Variants in FGF14 observed in about 807,000 individuals in gnomAD.
The protein encoded by FGF14 is fibroblast growth factor homologous factor 4.
Under a neutral mutation model 25.5 loss-of-function variants are expected in FGF14, and 5 were observed. The ratio of observed to expected loss-of-function variants is 0.20; its 90% CI spans 0.10 to 0.41. The LOEUF is 0.41. Ranked by LOEUF, FGF14 falls within the 10% of genes least tolerant of loss-of-function variation. The pLI is 1.00. For synonymous variants in FGF14, 138 were observed against 118.3 expected (o/e 1.17, Z -1.08); for missense variants, 222 against 320.1 (o/e 0.69, Z 2.34).
At chr13:102,005,690 A>C (rs2039747599) in intron 1 of FGF14, among the ~76,000 whole-genome samples, 1 of 152,214 alleles carries the variant, frequency 6.6e-6, no homozygotes, top group African/African-American at 2.4e-5. Context: ...ATGTAAATTA[A>C]TCTTATAAAA....
At chr13:102,105,887 T>C (rs2044883141) in intron 1 of FGF14, among the ~76,000 whole-genome samples, 1 of 152,216 alleles carries the variant, frequency 6.6e-6, no homozygotes, top group Admixed American at 6.5e-5. Context: ...AATGGCATTA[T>C]CTATTAATTA....
At chr13:102,173,346 C>G (rs919520263) in intron 1 of FGF14, among the ~76,000 whole-genome samples, 1 of 152,022 alleles carries the variant, frequency 6.6e-6, no homozygotes, top group East Asian at 1.9e-4. Context: ...GGTGAGGACA[C>G]GGAGAAATTG....
chr13:101,723,970 T>C (rs1199648794), intron 4 of FGF14, among the ~76,000 whole-genome samples: 2 of 152,108 alleles, frequency 1.3e-5, no homozygotes, highest in East Asian at 1.9e-4. Context: ...GCATTCCCTA[T>C]GTTCAAGGGG....
chr13:102,320,322 T>C (rs1198182367), intron 1 of FGF14, among the ~76,000 whole-genome samples: 2 of 150,982 alleles, frequency 1.3e-5, no homozygotes, highest in Non-Finnish European at 2.9e-5. Flanking sequence ...TAAAAATCAA[T>C]GGCAAAAGTT....
chr13:101,984,475 T>C (rs1430398599), intron 1 of FGF14, among the ~76,000 whole-genome samples: 1 of 152,188 alleles, frequency 6.6e-6, no homozygotes, highest in Non-Finnish European at 1.5e-5. Context: ...ACCAAATTAC[T>C]CTTCTTTGAA....
intron 1 of FGF14, among the ~76,000 whole-genome samples, chr13:102,058,134 G>A (rs992855291): frequency 6.6e-6 from 1 of 152,168 alleles, no homozygotes; most frequent in Non-Finnish European, 1.5e-5. Context: ...CTACAGAGAA[G>A]CTAAGGCTTT....
At chr13:102,289,231 C>T (rs2054259211) in intron 1 of FGF14, among the ~76,000 whole-genome samples, 1 of 152,132 alleles carries the variant, frequency 6.6e-6, no homozygotes. Context: ...CACCATGGGT[C>T]TGCTTGCCAT....
intron 1 of FGF14, among the ~76,000 whole-genome samples, chr13:102,035,585 T>G (rs1043979861): frequency 6.6e-6 from 1 of 152,184 alleles, no homozygotes; most frequent in African/African-American, 2.4e-5. Flanking sequence ...CATTTTCAAA[T>G]GCATTGCATT....
At chr13:102,205,336 C>T (rs1332008627) in intron 1 of FGF14, among the ~76,000 whole-genome samples, 1 of 151,908 alleles carries the variant, frequency 6.6e-6, no homozygotes. Flanking sequence ...GAATGCTTAA[C>T]ATAAAACAAG....
chr13:101,718,807 C>T lies in FGF14; in HGVS notation c.*4024G>A, dbSNP rs999304789. The T allele has an allele frequency of 1.3e-5, 2 of 151,388 alleles. No homozygotes were observed. The highest frequency in any genetic ancestry group is 4.9e-5 in the African/African-American group (2 of 41,200). 9.4% of individuals were successfully genotyped at this position (151,388 alleles called of 1,614,324 possible). On this transcript the variant is annotated 3_prime_UTR_variant, in exon 5 of 5. Transcript: ENST00000376143. ...AAAAAAAAAAAAAACTAAAATATAA[C>T]TCAGCCTTAGTTTGCAGACTCAACT...
intron 1 of FGF14, among the ~76,000 whole-genome samples, chr13:102,009,431 G>A (rs1015505900): frequency 5.9e-5 from 9 of 152,004 alleles, no homozygotes; most frequent in African/African-American, 2.2e-4. Context: ...ACGTGCATGA[G>A]TTTGTGGTTT....
At chr13:101,896,566 C>T (rs1019401695) in intron 1 of FGF14, among the ~76,000 whole-genome samples, 6 of 152,164 alleles carry the variant, frequency 3.9e-5, no homozygotes, top group African/African-American at 1.4e-4. Context: ...AACATTAATG[C>T]TTTTAACAGC....
intron 1 of FGF14, among the ~76,000 whole-genome samples, chr13:101,978,240 G>A (rs549609033): frequency 6.6e-6 from 1 of 152,318 alleles, no homozygotes; most frequent in Admixed American, 6.5e-5. Flanking sequence ...TTTCCTAGCT[G>A]TCCTTGCCTT....
intron 1 of FGF14, among the ~76,000 whole-genome samples, chr13:101,998,620 T>C (rs1467198132): frequency 1.3e-5 from 2 of 152,254 alleles, no homozygotes; most frequent in Non-Finnish European, 2.9e-5. Flanking sequence ...TATTTACAGA[T>C]TCTGTGCAAG....
At chr13:101,748,578 T>TA (rs1215854318) in intron 3 of FGF14, among the ~76,000 whole-genome samples, 1 of 151,560 alleles carries the variant, frequency 6.6e-6, no homozygotes, top group Non-Finnish European at 1.5e-5. Context: ...TACAGCCATG[T>TA]AAAAAAACAG....
At chr13:101,914,191 TTAAA>T (rs1325575283) in intron 1 of FGF14, among the ~76,000 whole-genome samples, 1 of 151,162 alleles carries the variant, frequency 6.6e-6, no homozygotes, top group East Asian at 1.9e-4. Context: ...TAAGACTTAA[TTAAA>T]TGAATAATTA....
intron 3 of FGF14, among the ~76,000 whole-genome samples, chr13:101,821,723 T>G (rs2042166328): frequency 6.6e-6 from 1 of 152,214 alleles, no homozygotes; most frequent in Non-Finnish European, 1.5e-5. Flanking sequence ...CCATGTTAAT[T>G]TTAGCAATTC....
rs73581301 is a variant in FGF14, at chr13:102,339,851, G to A, written c.208+61620C>T. ...TTTGAACAATGATAGCATGGGCTAC[G>A]TAAACTCACAGTAAAAAAGAATAAA... is the stretch of plus-strand genomic sequence containing the variant. On this transcript the variant is annotated intron_variant, in intron 1 of 4. Coordinates refer to the FGF14 transcript ENST00000376131. Among the ~76,000 whole-genome samples, 906 of 152,208 alleles carry A rather than the reference G, an allele frequency of 6.0e-3. 15 individuals carry two copies. The highest frequency in any genetic ancestry group is 0.021 in the African/African-American group (853 of 41,552).
At chr13:101,911,073 C>T (rs549293682) in intron 1 of FGF14, among the ~76,000 whole-genome samples, 46 of 151,746 alleles carry the variant, frequency 3.0e-4, no homozygotes, top group Non-Finnish European at 6.6e-4. Context: ...GAAACCTTTC[C>T]TTTTAAATTT....
Sources: allele counts gnomAD v4.1 joint callset (sites outside exome capture counted in the v4.1 genomes callset), GRCh38; gene constraint gnomAD v4.1.1; transcripts MANE v1.5; gene names NCBI Gene and HGNC (gene_info 2026-07-23, HGNC 2026-07-21).